Variants in CENPN observed in about 807,000 individuals in gnomAD.
The protein encoded by CENPN is centromere protein N.
In CENPN, 36 loss-of-function variants were observed where a neutral mutation model predicts 48.6. That is an observed-to-expected ratio of 0.74 (90% confidence interval 0.57 to 0.98). The LOEUF is 0.98. Ranked by LOEUF, CENPN falls within the 50% of genes least tolerant of loss-of-function variation. CENPN has a pLI of 0.00. For missense variants in CENPN, 439 were observed against 399.2 expected (o/e 1.10, Z -0.85); for synonymous variants, 166 against 135.2 (o/e 1.23, Z -1.58).
In CENPN at chr16:81,016,410, T is replaced by A. The variant is rs371031705; in HGVS notation, c.218-916T>A. On this transcript the variant is annotated intron_variant, in intron 3 of 10. Coordinates refer to ENST00000305850, the MANE Select transcript of CENPN (RefSeq NM_001100624.3). ...ACCTGGGACTACAACAGTGAACAGG[T>A]CCCTCATTTCCATCAGAGTCTAACT... 2.6e-5 allele frequency among the ~76,000 whole-genome samples: 4 copies of A among 152,200 alleles called. 1 individual carries two copies. The East Asian group carries it at 5.8e-4, about 22-fold the overall frequency.
intron 1 of CENPN, among the ~76,000 whole-genome samples, chr16:81,009,046 A>G (rs1345079218): frequency 6.6e-6 from 1 of 152,148 alleles, no homozygotes; most frequent in African/African-American, 2.4e-5. Flanking sequence ...ATCTTTACTA[A>G]AAGTAGAAAA....
Position 81,012,121 on chromosome 16 carries a change from T to C in CENPN, c.171+11T>C. ...ATCCATCTGTGTGAGGTAACAGTGTTAAAAATGATGAGCCTTGAACAGAGT... is the reference window on the plus strand; with the variant it reads ...ATCCATCTGTGTGAGGTAACAGTGTCAAAAATGATGAGCCTTGAACAGAGT... On this transcript the variant is annotated intron_variant, in intron 2 of 10. Coordinates refer to ENST00000305850, the MANE Select transcript of CENPN (RefSeq NM_001100624.3). 6.2e-7 allele frequency: 1 copy of C among 1,612,856 alleles called. No homozygotes were observed. The highest frequency in any genetic ancestry group is 8.5e-7 in the Non-Finnish European group (1 of 1,179,062).
chr16:81,025,586 A>G (rs1597106011), intron 8 of CENPN, among the ~76,000 whole-genome samples: 1 of 152,090 alleles, frequency 6.6e-6, no homozygotes, highest in South Asian at 2.1e-4. Flanking sequence ...GGCTAGGAAC[A>G]ATGTTATGCA....
At position 81,026,537 on chromosome 16, in the gene CENPN, A is replaced by G; in HGVS notation, c.709A>G (p.Ile237Val). The G allele has an allele frequency of 6.4e-7, 1 of 1,574,246 alleles. No homozygotes were observed. The highest frequency in any genetic ancestry group is 1.7e-4 in the Middle Eastern group (1 of 5,972). ...TCTTCCACCCATAGTGGATTCAAGG[A>G]TCATTCATGAAAACATAGTAGAAAA... Reference protein sequence around the residue: ...LGLDINMDSRIIHENIVEKER... With the variant: ...LGLDINMDSRVIHENIVEKER... The change falls in exon 9 of 11, where the codon ATC (isoleucine) becomes GTC (valine). Residue 237 changes from isoleucine to valine, a missense_variant. Coordinates refer to ENST00000305850, the MANE Select transcript of CENPN (RefSeq NM_001100624.3).
intron 3 of CENPN, 138 bp downstream of exon 3, chr16:81,014,319 C>T: frequency 3.0e-6 from 2 of 668,458 alleles, no homozygotes; most frequent in Non-Finnish European, 2.7e-6. Flanking sequence ...ACCGCGACCT[C>T]TGCCTCCTGG....
Position 81,029,116 on chromosome 16 carries a change from C to T in CENPN, c.*465C>T. The T allele has an allele frequency of 2.0e-6, 2 of 985,656 alleles. No individual in the cohort carries two copies. Among genetic ancestry groups the T allele is most frequent in the Middle Eastern group, 5.2e-4 (1 of 1,914 alleles). The allele number at this position is 985,656 out of a possible 1,614,324, so 61.1% of individuals were successfully genotyped here. A position where few individuals can be genotyped will look rare whatever the true frequency, so the allele number is the denominator to read the frequency against. On this transcript the variant is annotated 3_prime_UTR_variant, in exon 11 of 11. Transcript: ENST00000305850. ...TCAACTCAAAACTTTTTAGGAGAAT[C>T]ATGAAATTGGTCTATTCAAAGGATG... is the stretch of plus-strand genomic sequence containing the variant.
chr16:81,025,647 A>G (rs897347452), intron 8 of CENPN, among the ~76,000 whole-genome samples: 3 of 150,644 alleles, frequency 2.0e-5, no homozygotes, highest in African/African-American at 4.9e-5. Context: ...CACGAGCCCA[A>G]GAGATCCAGT....
chr16:81,016,563 A>G (rs1597311282), intron 3 of CENPN, among the ~76,000 whole-genome samples: 1 of 152,352 alleles, frequency 6.6e-6, no homozygotes, highest in South Asian at 2.1e-4. Context: ...GGAGTTCGAC[A>G]CTAACCTGGC....
Position 81,030,185 on chromosome 16 carries a change from G to T in CENPN, c.*1534G>T. ...TATTACAATTCAAGGTGACACTTGT[G>T]TGGAGACACAGCCAAACCATATCAC... On this transcript the variant is annotated 3_prime_UTR_variant, in exon 11 of 11. Transcript: ENST00000305850. The T allele has an allele frequency of 2.0e-6, 2 of 985,330 alleles. No individual in the cohort carries two copies. Among genetic ancestry groups the T allele is most frequent in the Non-Finnish European group, 2.4e-6 (2 of 829,828 alleles). 61.0% of individuals were successfully genotyped at this position (985,330 alleles called of 1,614,324 possible).
At position 81,023,075 on chromosome 16, in the gene CENPN, G is replaced by A. The variant is rs187204615; in HGVS notation, c.633+377G>A. The A allele has an allele frequency of 3.6e-3, 1,596 of 446,386 alleles. 20 individuals carry two copies. Among genetic ancestry groups the A allele is most frequent in the South Asian group, 0.012 (481 of 41,796 alleles). 27.7% of individuals were successfully genotyped at this position (446,386 alleles called of 1,614,324 possible). ...AACTTTTTGTCCCATCACTCAAGCA[G>A]GTTATACAGGCACTGGAATTAAAGG... On this transcript the variant is annotated intron_variant, in intron 7 of 10. Coordinates refer to ENST00000305850, the MANE Select transcript of CENPN (RefSeq NM_001100624.3).
intron 8 of CENPN, among the ~76,000 whole-genome samples, chr16:81,026,065 A>ATGTGTG (rs1205146918): frequency 6.8e-3 from 350 of 51,448 alleles, no homozygotes; most frequent in Admixed American, 0.012. Flanking sequence ...ATATATATAT[A>ATGTGTG]TATATGTGTG....
intron 8 of CENPN, among the ~76,000 whole-genome samples, chr16:81,025,237 C>T (rs372595065): frequency 2.0e-5 from 3 of 152,150 alleles, no homozygotes; most frequent in African/African-American, 4.8e-5. Flanking sequence ...GCTCTTAATG[C>T]GCTGGATAAA....
At chr16:81,020,643 A>G (rs1970145840) in intron 6 of CENPN, 1 of 165,638 alleles carries the variant, frequency 6.0e-6, no homozygotes, top group African/African-American at 2.4e-5. Flanking sequence ...TTTGATCTAG[A>G]AATAATGCAT....
At chr16:81,026,715 G>C in intron 9 of CENPN, 77 bp downstream of exon 9, 1 of 648,398 alleles carries the variant, frequency 1.5e-6, no homozygotes, top group Non-Finnish European at 2.6e-6. Flanking sequence ...GTGGAAAACA[G>C]ATCTAAGAAA....
At position 81,029,349 on chromosome 16, in the gene CENPN, C is replaced by A. The variant is rs2151719453; in HGVS notation, c.*698C>A. The A allele has an allele frequency of 1.1e-6, 1 of 933,846 alleles. No homozygotes were observed. Among genetic ancestry groups the A allele is most frequent in the Non-Finnish European group, 1.3e-6 (1 of 782,970 alleles). 57.8% of individuals were successfully genotyped at this position (933,846 alleles called of 1,614,324 possible). ...ATTTTGATCAAAGTACTTCAGTGAT[C>A]ATCACTAAATACCCTATCTTTTTAA... On this transcript the variant is annotated 3_prime_UTR_variant, in exon 11 of 11. Coordinates refer to ENST00000305850, the MANE Select transcript of CENPN (RefSeq NM_001100624.3).
intron 1 of CENPN, among the ~76,000 whole-genome samples, chr16:81,008,334 T>C (rs1380667197): frequency 6.6e-6 from 1 of 152,156 alleles, no homozygotes; most frequent in East Asian, 1.9e-4. Context: ...CCCAGGAATC[T>C]TCATTTTAAC....
intron 1 of CENPN, among the ~76,000 whole-genome samples, chr16:81,008,153 G>A (rs751290687): frequency 6.6e-6 from 1 of 152,100 alleles, no homozygotes; most frequent in African/African-American, 2.4e-5. Flanking sequence ...CGGGGTAAAC[G>A]TTTACTAAAG....
chr16:81,014,178 A>G lies in CENPN; in HGVS notation c.214A>G (p.Ile72Val). Residue 72 changes from isoleucine to valine, a missense_variant, in exon 3 of 11, where the codon ATT becomes GTT. Ile to Val is a conservative substitution (Grantham distance 29). Transcript: ENST00000305850. ...CAGTGATGCTGCCCTGTTAGACATCATTTGTAAGTGTCAGTGATTTGTATT... is the reference window on the plus strand; with the variant it reads ...CAGTGATGCTGCCCTGTTAGACATCGTTTGTAAGTGTCAGTGATTTGTATT... ...SISDAALLDIIYMQFHQHQKV... is the reference protein window; with the variant it reads ...SISDAALLDIVYMQFHQHQKV... 1.2e-6 allele frequency: 2 copies of G among 1,612,598 alleles called. No homozygotes were observed. Among genetic ancestry groups the G allele is most frequent in the South Asian group, 2.2e-5 (2 of 91,066 alleles).
intron 3 of CENPN, 59 bp from the exon 4 acceptor site, chr16:81,017,267 A>T: frequency 9.3e-7 from 1 of 1,080,736 alleles, no homozygotes. Context: ...AATATCTATA[A>T]GCATATTACT....
Sources: allele counts gnomAD v4.1 joint callset (sites outside exome capture counted in the v4.1 genomes callset), GRCh38; gene constraint gnomAD v4.1.1; transcripts MANE v1.5; gene names NCBI Gene and HGNC (gene_info 2026-07-23, HGNC 2026-07-21).